KCNIP4: variants seen among roughly 807,000 people sequenced by gnomAD.
KCNIP4 encodes potassium voltage-gated channel interacting protein 4.
KCNIP4 carries 12 observed loss-of-function variants against 34.0 expected under a neutral mutation model. The ratio of observed to expected loss-of-function variants is 0.35; its 90% CI spans 0.23 to 0.57. The LOEUF is 0.57. Ranked by LOEUF, KCNIP4 falls within the 20% of genes least tolerant of loss-of-function variation. KCNIP4 has a pLI of 0.83. For missense variants in KCNIP4, 238 were observed against 311.7 expected, an observed-to-expected ratio of 0.76 and a Z score of 1.78; for synonymous variants, 124 against 102.2, an observed-to-expected ratio of 1.21 and a Z score of -1.29.
At chr4:21,004,855 A>G (rs1047397048) in intron 1 of KCNIP4, among the ~76,000 whole-genome samples, 1 of 151,880 alleles carries the variant, frequency 6.6e-6, no homozygotes, top group African/African-American at 2.4e-5. Flanking sequence ...GTTTTACGGG[A>G]TTCAAAAATG....
At chr4:21,613,186 C>G (rs1446597416) in intron 1 of KCNIP4, 1 of 152,208 alleles carries the variant, frequency 6.6e-6, no homozygotes, top group Non-Finnish European at 1.5e-5. Context: ...CCTCCTACAC[C>G]CATGCCCTTG....
intron 3 of KCNIP4, among the ~76,000 whole-genome samples, chr4:20,769,449 G>A (rs1304526556): frequency 6.6e-6 from 1 of 152,056 alleles, no homozygotes; most frequent in African/African-American, 2.4e-5. Flanking sequence ...AGAAGACAGT[G>A]TCCATTTTGT....
chr4:21,944,883 T>C (rs781312006), intron 1 of KCNIP4, among the ~76,000 whole-genome samples: 1 of 152,096 alleles, frequency 6.6e-6, no homozygotes, highest in Non-Finnish European at 1.5e-5. Flanking sequence ...TGCCCAAGGG[T>C]AAATTAATTT....
intron 1 of KCNIP4, among the ~76,000 whole-genome samples, chr4:21,813,780 G>T (rs955949164): frequency 3.3e-5 from 5 of 152,140 alleles, no homozygotes; most frequent in African/African-American, 1.2e-4. Context: ...GAGATAGGAA[G>T]TCTCCCCTTT....
rs200170021 is a variant in KCNIP4 at position 21,337,643 on chromosome 4, G to GA, written c.62-454935dup. Among the ~76,000 whole-genome samples, 445 of 151,372 alleles carry GA rather than the reference G, an allele frequency of 2.9e-3. 2 individuals carry two copies. Among genetic ancestry groups the GA allele is most frequent in the African/African-American group, 9.8e-3 (403 of 41,310 alleles). On this transcript the variant is annotated intron_variant, in intron 1 of 8. Coordinates refer to ENST00000382152, the MANE Select transcript of KCNIP4 (RefSeq NM_025221.6). Reference sequence around the variant, plus strand: ...AAACTTCTTTTTTTATTACTTAGAGGAAAAAAAATGCCTCCTAAGAGGCTT... The same window carrying GA: ...AAACTTCTTTTTTTATTACTTAGAGGAAAAAAAAATGCCTCCTAAGAGGCTT...
chr4:20,838,239 A>G (rs190193005), intron 3 of KCNIP4, among the ~76,000 whole-genome samples: 1 of 152,314 alleles, frequency 6.6e-6, no homozygotes, highest in African/African-American at 2.4e-5. Context: ...TTCATAAGAC[A>G]GAGTCTTAGT....
chr4:21,295,918 G>GTGAA (rs3080876), intron 1 of KCNIP4, among the ~76,000 whole-genome samples: 12,385 of 151,076 alleles, frequency 0.082, 538 homozygotes, highest in Middle Eastern at 0.13. Flanking sequence ...CATGCAGTTA[G>GTGAA]TGAATGAATG....
chr4:21,104,404 G>A (rs1240818586), intron 1 of KCNIP4, among the ~76,000 whole-genome samples: 2 of 152,166 alleles, frequency 1.3e-5, no homozygotes, highest in Non-Finnish European at 1.5e-5. Context: ...TTTGAGAAGT[G>A]TCTGTTCATA....
chr4:21,878,135 G>A (rs1353378085), intron 1 of KCNIP4, among the ~76,000 whole-genome samples: 1 of 152,130 alleles, frequency 6.6e-6, no homozygotes, highest in Admixed American at 6.6e-5. Flanking sequence ...GTAACCAGTG[G>A]TATGGTCTCT....
At chr4:21,105,726 G>A (rs1325627618) in intron 1 of KCNIP4, among the ~76,000 whole-genome samples, 1 of 151,576 alleles carries the variant, frequency 6.6e-6, no homozygotes, top group Non-Finnish European at 1.5e-5. Context: ...GATATTGGCT[G>A]TGGGTTTGTC....
chr4:21,060,950 A>G (rs1177216208), intron 1 of KCNIP4, among the ~76,000 whole-genome samples: 1 of 152,196 alleles, frequency 6.6e-6, no homozygotes, highest in Non-Finnish European at 1.5e-5. Flanking sequence ...AAAGATAGGG[A>G]AACATATGCT....
At chr4:21,091,016 A>G (rs772719347) in intron 1 of KCNIP4, among the ~76,000 whole-genome samples, 5 of 152,194 alleles carry the variant, frequency 3.3e-5, no homozygotes, top group Non-Finnish European at 7.3e-5. Context: ...GTAGAGGAAA[A>G]TGTTATCATC....
At chr4:21,686,284 T>TTAAA (rs1750796968) in intron 1 of KCNIP4, among the ~76,000 whole-genome samples, 1 of 152,146 alleles carries the variant, frequency 6.6e-6, no homozygotes, top group Admixed American at 6.6e-5. Context: ...ACAGATCAAC[T>TTAAA]TAAAGCCTGG....
intron 1 of KCNIP4, among the ~76,000 whole-genome samples, chr4:21,892,301 G>A (rs1015317935): frequency 2.7e-5 from 4 of 149,364 alleles, no homozygotes; most frequent in Non-Finnish European, 5.9e-5. Context: ...TTCATATTAG[G>A]TGACTCGATT....
At chr4:20,955,842 T>C (rs1560599203) in intron 1 of KCNIP4, among the ~76,000 whole-genome samples, 1 of 152,238 alleles carries the variant, frequency 6.6e-6, no homozygotes, top group Admixed American at 6.5e-5. Flanking sequence ...TTTAGTTCCA[T>C]ATTAAGTAAT....
intron 1 of KCNIP4, among the ~76,000 whole-genome samples, chr4:21,401,075 C>T (rs757734324): frequency 1.2e-4 from 19 of 152,056 alleles, no homozygotes; most frequent in Non-Finnish European, 2.2e-4. Context: ...GCAGGAGAGT[C>T]GCTTGAATCC....
chr4:20,916,419 A>G, intron 1 of KCNIP4: 1 of 812,320 alleles, frequency 1.2e-6, no homozygotes, highest in Non-Finnish European at 1.5e-6. Flanking sequence ...TTATGCACTA[A>G]TAGAAAATAT....
intron 1 of KCNIP4, among the ~76,000 whole-genome samples, chr4:21,346,872 C>T (rs1431193434): frequency 6.6e-6 from 1 of 152,088 alleles, no homozygotes; most frequent in Non-Finnish European, 1.5e-5. Context: ...AATACTGCAC[C>T]TCATGGTTTT....
chr4:21,921,498 C>T (rs578074989), intron 1 of KCNIP4, among the ~76,000 whole-genome samples: 1 of 152,302 alleles, frequency 6.6e-6, no homozygotes, highest in African/African-American at 2.4e-5. Flanking sequence ...CATTTCTACT[C>T]AGATATCTAG....
Sources: gnomAD v4.1 joint callset for allele counts (sites outside exome capture counted in the v4.1 genomes callset) on GRCh38, gnomAD v4.1.1 for gene constraint, MANE v1.5 for transcripts, NCBI Gene and HGNC (gene_info 2026-07-23, HGNC 2026-07-21) for gene names.